HOXB3: variants seen among roughly 807,000 people sequenced by gnomAD.
HOXB3 encodes the protein homeobox B3.
A neutral mutation model predicts 29.2 loss-of-function variants in HOXB3; 17 were observed. The ratio of observed to expected loss-of-function variants is 0.58; its 90% CI spans 0.40 to 0.87. The LOEUF is 0.87. Ranked by LOEUF, HOXB3 falls within the 40% of genes least tolerant of loss-of-function variation. The pLI, the probability that HOXB3 is intolerant of heterozygous loss-of-function variation, is 0.00. For missense variants in HOXB3, 637 were observed against 616.3 expected (o/e 1.03, Z -0.35); for synonymous variants, 317 against 285.9 (o/e 1.11, Z -1.10).
rs960914562 is a variant in HOXB3, at chr17:48,550,747, C to A, written c.883G>T (p.Gly295Cys). The A allele has an allele frequency of 6.3e-7, 1 of 1,587,684 alleles. No homozygotes were observed. Among genetic ancestry groups the A allele is most frequent in the Middle Eastern group, 1.7e-4 (1 of 5,946 alleles). ...SYESPSPPAFGKAHQNAYALP... is the reference protein window; with the variant it reads ...SYESPSPPAFCKAHQNAYALP... ...GCGTAGGCATTCTGGTGGGCTTTAC[C>A]GAAGGCGGGTGGGGACGGGCTCTCG... is the stretch of plus-strand genomic sequence containing the variant. Residue 295 changes from glycine to cysteine, a missense_variant, in exon 5 of 5, where the codon GGT becomes TGT. Gly to Cys is a radical substitution (Grantham distance 159, BLOSUM62 -3). Coordinates refer to ENST00000498678, the MANE Select transcript of HOXB3 (RefSeq NM_001384749.1).
intron 1 of HOXB3, among the ~76,000 whole-genome samples, chr17:48,587,217 G>A (rs1229942517): frequency 1.3e-5 from 2 of 152,060 alleles, no homozygotes; most frequent in Non-Finnish European, 2.9e-5. Flanking sequence ...AGGGGCCCCC[G>A]TTTTTCCCTT....
intron 1 of HOXB3, chr17:48,578,051 G>T: frequency 3.4e-6 from 3 of 894,192 alleles, no homozygotes; most frequent in South Asian, 1.0e-4. Flanking sequence ...AGCCCGAGGG[G>T]ACAGACCGGG....
chr17:48,552,100 G>T lies in HOXB3; in HGVS notation c.375C>A (p.Leu125=). Residue 125 remains leucine, a synonymous_variant, in exon 4 of 5, where the codon CTC becomes CTA. Coordinates refer to ENST00000498678, the MANE Select transcript of HOXB3 (RefSeq NM_001384749.1). ...PKCGPGTNST[L]TKQIFPWMKE... is the part of the protein sequence containing the mutation. Reference sequence around the variant, plus strand: ...TCATCCAGGGGAATATCTGTTTGGTGAGGGTGGAGTTGGTGCCGGGACCGC... The same window carrying T: ...TCATCCAGGGGAATATCTGTTTGGTTAGGGTGGAGTTGGTGCCGGGACCGC... 6.2e-7 allele frequency: 1 copy of T among 1,612,992 alleles called. No individual in the cohort carries two copies. Among genetic ancestry groups the T allele is most frequent in the Non-Finnish European group, 8.5e-7 (1 of 1,179,238 alleles).
chr17:48,578,823 G>C (rs1223665070), intron 1 of HOXB3: 1 of 155,916 alleles, frequency 6.4e-6, no homozygotes, highest in African/African-American at 2.4e-5. Flanking sequence ...GGGAGCGCTA[G>C]CACCCTGCGT....
chr17:48,574,274 T>C (rs2069686779), intron 1 of HOXB3: 1 of 173,158 alleles, frequency 5.8e-6, no homozygotes, highest in Non-Finnish European at 1.2e-5. Context: ...GGCTGCGGCA[T>C]CCCCTTGCAG....
At chr17:48,580,623 T>C (rs1597856703) in intron 1 of HOXB3, 1 of 152,140 alleles carries the variant, frequency 6.6e-6, no homozygotes, top group East Asian at 1.9e-4. Flanking sequence ...AGGCGTTTCA[T>C]TTCCGAATGA....
Position 48,578,163 on chromosome 17 carries a change from C to A in HOXB3, c.-424-4149G>T, listed in dbSNP as rs200945027. On this transcript the variant is annotated intron_variant, in intron 1 of 4. Transcript: ENST00000498678. ...GTGCACGCCGCGCGCCGCCCGAAGCCCGCCTCCGGCTGGAAGCTGCTCTCT... is the reference window on the plus strand; with the variant it reads ...GTGCACGCCGCGCGCCGCCCGAAGCACGCCTCCGGCTGGAAGCTGCTCTCT... The A allele has an allele frequency of 1.9e-6, 3 of 1,605,686 alleles. No homozygotes were observed. The Admixed American group carries it at 5.1e-5, about 27-fold the overall frequency.
rs2068626217 is a variant in HOXB3 at position 48,549,297 on chromosome 17, C to T, written c.*1037G>A. On this transcript the variant is annotated 3_prime_UTR_variant, in exon 5 of 5. Transcript: ENST00000498678. Reference sequence around the variant, plus strand: ...ATATATATGAAAATGTTCACTAGAACACACGCTTTTTTGAGCAATGCTGGA... The same window carrying T: ...ATATATATGAAAATGTTCACTAGAATACACGCTTTTTTGAGCAATGCTGGA... 1 of 152,354 alleles carries T rather than the reference C, an allele frequency of 6.6e-6. No homozygotes were observed. The highest frequency in any genetic ancestry group is 1.5e-5 in the Non-Finnish European group (1 of 68,000). The allele number at this position is 152,354 out of a possible 1,614,324, so 9.4% of individuals were successfully genotyped here. A position where few individuals can be genotyped will look rare whatever the true frequency, so the allele number is the denominator to read the frequency against.
intron 1 of HOXB3, chr17:48,579,454 A>G (rs1183668239): frequency 6.5e-6 from 1 of 152,786 alleles, no homozygotes; most frequent in Non-Finnish European, 1.5e-5. Context: ...CTGAAACGGA[A>G]AGGCGGCCTC....
At chr17:48,577,217 G>A (rs1471288620) in intron 1 of HOXB3, among the ~76,000 whole-genome samples, 1 of 152,212 alleles carries the variant, frequency 6.6e-6, no homozygotes, top group Non-Finnish European at 1.5e-5. Context: ...AGTTTTGGAG[G>A]GCTGTGCTGT....
chr17:48,550,526 G>A lies in HOXB3; in HGVS notation c.1104C>T (p.Pro368=). 6.4e-7 allele frequency: 1 copy of A among 1,560,034 alleles called. No individual in the cohort carries two copies. Among genetic ancestry groups the A allele is most frequent in the Non-Finnish European group, 8.6e-7 (1 of 1,161,986 alleles). The part of the protein sequence containing the change: ...YADPLPPPAG[P]SLYGLNHLSH... The stretch of plus-strand genomic sequence containing the variant: ...AAAGGTGGTTGAGGCCATAGAGGGA[G>A]GGGCCGGCAGGGGGCGGCAGCGGAT... Residue 368 remains proline, a synonymous_variant, in exon 5 of 5, where the codon CCC becomes CCT. Coordinates refer to ENST00000498678, the MANE Select transcript of HOXB3 (RefSeq NM_001384749.1).
chr17:48,583,644 C>A (rs952249475), intron 1 of HOXB3, among the ~76,000 whole-genome samples: 1 of 152,220 alleles, frequency 6.6e-6, no homozygotes, highest in African/African-American at 2.4e-5. Context: ...GCCACTTCTT[C>A]CCCATCCTGG....
intron 1 of HOXB3, chr17:48,576,240 G>A (rs114420588): frequency 0.012 from 1,851 of 153,652 alleles, 37 homozygotes; most frequent in African/African-American, 0.04. Context: ...AGCAGAGGCG[G>A]AGGCGGCCGA....
At chr17:48,577,350 G>A (rs1214082620) in intron 1 of HOXB3, among the ~76,000 whole-genome samples, 1 of 152,176 alleles carries the variant, frequency 6.6e-6, no homozygotes, top group African/African-American at 2.4e-5. Context: ...GTGGAAGAGG[G>A]AGGGGAGGTT....
intron 1 of HOXB3, among the ~76,000 whole-genome samples, chr17:48,583,240 A>G (rs1044965793): frequency 7.2e-5 from 11 of 152,196 alleles, no homozygotes; most frequent in African/African-American, 2.7e-4. Context: ...CCGGCGACAT[A>G]ACTTTCAGAG....
chr17:48,573,976 A>G lies in HOXB3; in HGVS notation c.-386T>C, dbSNP rs2069673422. On this transcript the variant is annotated 5_prime_UTR_variant, in exon 2 of 5. Coordinates refer to ENST00000498678, the MANE Select transcript of HOXB3 (RefSeq NM_001384749.1). ...CCTTGCAGATCCGGGAGAGACGGCT[A>G]ACACTTTTTTCCCCCAACAGCCGGT... 4.4e-6 allele frequency: 3 copies of G among 680,092 alleles called. No homozygotes were observed. Among genetic ancestry groups the G allele is most frequent in the Non-Finnish European group, 8.0e-6 (3 of 374,852 alleles). The allele number at this position is 680,092 out of a possible 1,614,324, so 42.1% of individuals were successfully genotyped here.
intron 1 of HOXB3, chr17:48,576,701 T>A (rs888075993): frequency 7.1e-6 from 9 of 1,274,046 alleles, no homozygotes; most frequent in Non-Finnish European, 9.4e-6. Context: ...CCGAGGTTCG[T>A]GGCTCCCGCG....
chr17:48,573,512 C>T (rs1402026623), intron 2 of HOXB3, among the ~76,000 whole-genome samples: 1 of 152,282 alleles, frequency 6.6e-6, no homozygotes, highest in East Asian at 1.9e-4. Context: ...CTCGCTGTGC[C>T]TGCCTGCATT....
intron 1 of HOXB3, chr17:48,578,957 G>C (rs1010438750): frequency 2.0e-5 from 3 of 152,358 alleles, no homozygotes; most frequent in African/African-American, 7.2e-5. Context: ...GTAGGGGTGA[G>C]AGAGGAGGCG....
Sources: gnomAD v4.1 joint callset for allele counts (sites outside exome capture counted in the v4.1 genomes callset) on GRCh38, gnomAD v4.1.1 for gene constraint, MANE v1.5 for transcripts, NCBI Gene and HGNC (gene_info 2026-07-23, HGNC 2026-07-21) for gene names.